Variants in RBFOX1 observed in about 807,000 individuals in gnomAD.
The protein encoded by RBFOX1 is RNA binding fox-1 homolog 1, also known as RNA binding protein fox-1 homolog 1.
Under a neutral mutation model 57.7 loss-of-function variants are expected in RBFOX1, and 8 were observed. The ratio of observed to expected loss-of-function variants is 0.14; its 90% confidence interval spans 0.08 to 0.25. The LOEUF is 0.25. RBFOX1 is among the 10% of genes least tolerant of loss of function. RBFOX1 has a pLI of 1.00. For synonymous variants in RBFOX1, 326 were observed against 222.4 expected (o/e 1.47, Z -4.15); for missense variants, 611 against 548.5 (o/e 1.11, Z -1.14).
In RBFOX1 at chr16:6,029,923, A is replaced by AT. The variant is rs113825966; in HGVS notation, c.-127+9938dup. Among the ~76,000 whole-genome samples, 594 of 152,074 alleles carry AT rather than the reference A, an allele frequency of 3.9e-3. 5 individuals are homozygous for AT. The highest frequency in any genetic ancestry group is 0.014 in the African/African-American group (569 of 41,498). Reference sequence around the variant, plus strand: ...GTTATTTGCTATGATTATTATTGTTATTTTTTTGAGACAGAGAGTCTCATT... The same window carrying AT: ...GTTATTTGCTATGATTATTATTGTTATTTTTTTTGAGACAGAGAGTCTCATT... On this transcript the variant is annotated intron_variant, in intron 1 of 15. Transcript: ENST00000550418.
At chr16:6,638,513 C>T (rs894598921) in intron 2 of RBFOX1, among the ~76,000 whole-genome samples, 4 of 152,240 alleles carry the variant, frequency 2.6e-5, no homozygotes, top group African/African-American at 9.6e-5. Context: ...GGCATATTAA[C>T]TTTTACTACC....
intron 3 of RBFOX1, among the ~76,000 whole-genome samples, chr16:6,756,640 T>C (rs2075828867): frequency 6.6e-6 from 1 of 152,080 alleles, no homozygotes; most frequent in Non-Finnish European, 1.5e-5. Flanking sequence ...TAATCCCATT[T>C]AAAAATGGGC....
chr16:5,695,470 G>C (rs2050818476), intron 3 of RBFOX1, among the ~76,000 whole-genome samples: 1 of 152,160 alleles, frequency 6.6e-6, no homozygotes, highest in South Asian at 2.1e-4. Flanking sequence ...AGGCAATCAG[G>C]ATCCATAGCT....
chr16:5,984,972 A>G (rs1419200921), intron 4 of RBFOX1, among the ~76,000 whole-genome samples: 1 of 55,722 alleles, frequency 1.8e-5, no homozygotes, highest in Non-Finnish European at 3.1e-5. Context: ...ATATATATAT[A>G]TATATTTTTT....
chr16:5,455,801 C>G (rs866206051), intron 1 of RBFOX1, among the ~76,000 whole-genome samples: 3 of 152,092 alleles, frequency 2.0e-5, no homozygotes, highest in African/African-American at 7.2e-5. Flanking sequence ...GTGAAGGGTG[C>G]TTGGCTAGAG....
At chr16:5,919,599 C>T (rs1232143353) in intron 4 of RBFOX1, among the ~76,000 whole-genome samples, 5 of 152,148 alleles carry the variant, frequency 3.3e-5, no homozygotes, top group Non-Finnish European at 7.3e-5. Context: ...ATGCCTCGGC[C>T]TCCCAAAGTG....
chr16:7,528,064 AGT>A (rs1192302394), intron 5 of RBFOX1, among the ~76,000 whole-genome samples: 2 of 152,244 alleles, frequency 1.3e-5, no homozygotes, highest in Non-Finnish European at 2.9e-5. Context: ...GGGCAAACAA[AGT>A]GAGATTCATT....
At chr16:6,008,857 G>A (rs946611967) in intron 4 of RBFOX1, among the ~76,000 whole-genome samples, 13 of 152,252 alleles carry the variant, frequency 8.5e-5, no homozygotes, top group African/African-American at 2.4e-4. Flanking sequence ...ATTGCCTTAC[G>A]GAATAATGGC....
intron 2 of RBFOX1, among the ~76,000 whole-genome samples, chr16:6,649,032 T>C (rs1466812211): frequency 1.3e-5 from 2 of 152,184 alleles, no homozygotes; most frequent in Non-Finnish European, 2.9e-5. Context: ...AGTCACCATG[T>C]TGTATAATAT....
chr16:5,325,244 C>G (rs1166921737), intron 1 of RBFOX1, among the ~76,000 whole-genome samples: 2 of 151,986 alleles, frequency 1.3e-5, no homozygotes, highest in Non-Finnish European at 2.9e-5. Context: ...TTTGTCACCT[C>G]TTTTTTCCTT....
intron 2 of RBFOX1, among the ~76,000 whole-genome samples, chr16:6,396,629 G>T (rs1344938563): frequency 6.6e-6 from 1 of 152,150 alleles, no homozygotes; most frequent in Non-Finnish European, 1.5e-5. Context: ...AATCCAGCAA[G>T]TTAACTGCCT....
intron 3 of RBFOX1, among the ~76,000 whole-genome samples, chr16:6,859,537 GT>G (rs1157903078): frequency 6.6e-6 from 1 of 151,838 alleles, no homozygotes; most frequent in East Asian, 1.9e-4. Flanking sequence ...AATGTGAGTG[GT>G]TTTTATGCTG....
chr16:6,757,392 C>T (rs111808328), intron 3 of RBFOX1, among the ~76,000 whole-genome samples: 1 of 152,240 alleles, frequency 6.6e-6, no homozygotes, highest in African/African-American at 2.4e-5. Context: ...ATAAAATCAA[C>T]CTAAGTATCC....
At chr16:6,443,368 A>C (rs937316645) in intron 2 of RBFOX1, among the ~76,000 whole-genome samples, 1 of 151,446 alleles carries the variant, frequency 6.6e-6, no homozygotes, top group Non-Finnish European at 1.5e-5. Context: ...TTTTATAAAA[A>C]TATTTCTTCT....
At chr16:6,275,073 T>A (rs1429623011) in intron 1 of RBFOX1, among the ~76,000 whole-genome samples, 1 of 152,182 alleles carries the variant, frequency 6.6e-6, no homozygotes, top group African/African-American at 2.4e-5. Context: ...GTCACACCTA[T>A]CCCACTGCAA....
chr16:7,227,725 G>A (rs577963017), intron 4 of RBFOX1, among the ~76,000 whole-genome samples: 76 of 152,268 alleles, frequency 5.0e-4, no homozygotes, highest in African/African-American at 1.7e-3. Flanking sequence ...CCTGCAGGCT[G>A]GCCTGCACGC....
chr16:6,804,392 C>G (rs1347385643), intron 3 of RBFOX1, among the ~76,000 whole-genome samples: 2 of 152,090 alleles, frequency 1.3e-5, no homozygotes, highest in Non-Finnish European at 2.9e-5. Flanking sequence ...CCCTAATGCC[C>G]CATCTAGCCC....
At chr16:7,611,533 T>G (rs1009396071) in intron 10 of RBFOX1, among the ~76,000 whole-genome samples, 2 of 150,808 alleles carry the variant, frequency 1.3e-5, no homozygotes, top group South Asian at 2.1e-4. Flanking sequence ...GAGCCAAGAT[T>G]GCACCATTGC....
Position 5,300,967 on chromosome 16 carries a change from C to T in RBFOX1, c.219+60862C>T, listed in dbSNP as rs562962941. On this transcript the variant is annotated intron_variant, in intron 1 of 2. Coordinates refer to the RBFOX1 transcript ENST00000585867. The stretch of plus-strand genomic sequence containing the variant: ...CTCGCTCTTGTCCTGATCATTCTTT[C>T]TAGGTTTATTTTTGGTAGGTAGCGC... Among the ~76,000 whole-genome samples, 5 of 152,222 alleles carry T rather than the reference C, an allele frequency of 3.3e-5. No homozygotes were observed. In the South Asian group the frequency reaches 1.0e-3, roughly 32 times the overall value.
Sources: allele counts gnomAD v4.1 joint callset (sites outside exome capture counted in the v4.1 genomes callset), GRCh38; gene constraint gnomAD v4.1.1; transcripts MANE v1.5; gene names NCBI Gene and HGNC (gene_info 2026-07-23, HGNC 2026-07-21).